The following NCAPG2 variants were observed in gnomAD, a reference collection of about 807,000 sequenced individuals.
NCAPG2 encodes the protein non-SMC condensin II complex subunit G2.
A neutral mutation model predicts 141.1 loss-of-function variants in NCAPG2; 53 were observed. The observed-to-expected ratio is 0.38, with a 90% CI of 0.30 to 0.47. The LOEUF is 0.47. NCAPG2 is among the 20% of genes least tolerant of loss of function. The pLI, the probability that NCAPG2 is intolerant of heterozygous loss-of-function variation, is 0.99. For missense variants in NCAPG2, 1,087 were observed against 1,389.0 expected, an observed-to-expected ratio of 0.78 and a Z score of 3.46; for synonymous variants, 499 against 490.7, an observed-to-expected ratio of 1.02 and a Z score of -0.22.
chr7:158,668,212 C>CG lies in NCAPG2; in HGVS notation c.1479+3301_1479+3302insC, dbSNP rs1563542484. 1.4e-5 allele frequency: 6 copies of CG among 416,052 alleles called. 1 individual carries two copies. Among genetic ancestry groups the CG allele is most frequent in the African/African-American group, 2.1e-5 (1 of 47,052 alleles). 25.8% of individuals were successfully genotyped at this position (416,052 alleles called of 1,614,324 possible). A position where few individuals can be genotyped will look rare whatever the true frequency, so the allele number is the denominator to read the frequency against. On this transcript the variant is annotated intron_variant, in intron 13 of 27. Coordinates refer to ENST00000356309, the MANE Select transcript of NCAPG2 (RefSeq NM_017760.7). The stretch of plus-strand genomic sequence containing the variant: ...CTTACCGACCCTGGGTCCCTCCGCC[C>CG]CCCCTTACCCACTACTGGGTCCCTC...
At chr7:158,666,869 G>T (rs1376996936) in intron 13 of NCAPG2, among the ~76,000 whole-genome samples, 1 of 152,152 alleles carries the variant, frequency 6.6e-6, no homozygotes, top group Non-Finnish European at 1.5e-5. Flanking sequence ...TACCACAGCT[G>T]ACAAAGGAAA....
intron 2 of NCAPG2, among the ~76,000 whole-genome samples, chr7:158,694,458 G>A (rs1835320042): frequency 6.6e-6 from 1 of 152,160 alleles, no homozygotes; most frequent in South Asian, 2.1e-4. Context: ...CACAGAGGCA[G>A]GTTCCCAGAA....
chr7:158,660,429 T>TTA (rs869116610), intron 16 of NCAPG2, among the ~76,000 whole-genome samples: 1 of 91,362 alleles, frequency 1.1e-5, no homozygotes, highest in African/African-American at 4.3e-5. Flanking sequence ...TTTTTTTTTT[T>TTA]AAAAGAGGCA....
chr7:158,655,245 C>G lies in NCAPG2; in HGVS notation c.2519G>C (p.Gly840Ala). 6.2e-7 allele frequency: 1 copy of G among 1,613,842 alleles called. No individual in the cohort carries two copies. Among genetic ancestry groups the G allele is most frequent in the Non-Finnish European group, 8.5e-7 (1 of 1,179,944 alleles). Residue 840 changes from glycine (G) to alanine (A), a missense_variant, in exon 21 of 28, where the codon GGA becomes GCA. Gly to Ala is a moderately conservative substitution (Grantham distance 60). Coordinates refer to ENST00000356309, the MANE Select transcript of NCAPG2 (RefSeq NM_017760.7). ...IHLQHKFCSE[G>A]KVYLSMLEDT... ...TTCCAACATGGACAAATACACCTTTCCTTCTGAGCAGAACTGTCCAAAAAC... is the reference window on the plus strand; with the variant it reads ...TTCCAACATGGACAAATACACCTTTGCTTCTGAGCAGAACTGTCCAAAAAC...
chr7:158,652,858 T>C (rs1831587357), intron 22 of NCAPG2, among the ~76,000 whole-genome samples: 1 of 152,190 alleles, frequency 6.6e-6, no homozygotes. Flanking sequence ...AGAACAGATA[T>C]ACCTATACAA....
chr7:158,675,621 G>C lies in NCAPG2; in HGVS notation c.1182C>G (p.Ser394=). The C allele has an allele frequency of 6.2e-7, 1 of 1,613,270 alleles. No individual in the cohort carries two copies. The change falls in exon 12 of 28, where the codon TCC becomes TCG. Residue 394 remains serine, a synonymous_variant. Coordinates refer to ENST00000356309, the MANE Select transcript of NCAPG2 (RefSeq NM_017760.7). Reference sequence around the variant, plus strand: ...TTTTACAAACACCAAGGATCCCTGTGGAACGGACCATCGGGTAAGGATCTT... The same window carrying C: ...TTTTACAAACACCAAGGATCCCTGTCGAACGGACCATCGGGTAAGGATCTT... ...LLEDPYPMVR[S]TGILGVCKIT... is the part of the protein sequence containing the mutation.
At chr7:158,666,138 G>A (rs1832915205) in intron 13 of NCAPG2, among the ~76,000 whole-genome samples, 4 of 152,204 alleles carry the variant, frequency 2.6e-5, no homozygotes, top group South Asian at 2.1e-4. Flanking sequence ...AGGGACTGGA[G>A]ATTTCTTACC....
At chr7:158,655,551 G>T in intron 19 of NCAPG2, 96 bp from the exon 20 acceptor site, 1 of 1,023,322 alleles carries the variant, frequency 9.8e-7, no homozygotes, top group South Asian at 1.4e-5. Flanking sequence ...ATCCTCAGGC[G>T]AGCTGAAAAG....
intron 13 of NCAPG2, among the ~76,000 whole-genome samples, chr7:158,667,934 C>T (rs1458801494): frequency 3.2e-4 from 1 of 3,132 alleles, no homozygotes; most frequent in Non-Finnish European, 5.6e-4. Context: ...CCCTCCTTAC[C>T]TACCCTCTGG....
At chr7:158,637,007 G>A (rs1377827824) in intron 27 of NCAPG2, among the ~76,000 whole-genome samples, 1 of 151,102 alleles carries the variant, frequency 6.6e-6, no homozygotes, top group African/African-American at 2.5e-5. Flanking sequence ...GAATGCAGTG[G>A]TGTGATCTTG....
intron 27 of NCAPG2, among the ~76,000 whole-genome samples, chr7:158,643,409 G>T (rs142569654): frequency 6.6e-6 from 1 of 151,390 alleles, no homozygotes; most frequent in African/African-American, 2.4e-5. Flanking sequence ...TAGAGATGGG[G>T]TTTTACCATG....
chr7:158,646,757 G>A (rs1314634702), intron 24 of NCAPG2, among the ~76,000 whole-genome samples, 194 bp from the exon 25 acceptor site: 1 of 152,186 alleles, frequency 6.6e-6, no homozygotes, highest in Admixed American at 6.5e-5. Context: ...GTTGGGCGTG[G>A]TGGTTCACAC....
At chr7:158,636,944 T>C (rs1830241608) in intron 27 of NCAPG2, among the ~76,000 whole-genome samples, 1 of 151,652 alleles carries the variant, frequency 6.6e-6, no homozygotes, top group African/African-American at 2.4e-5. Context: ...GGGTTTCCTC[T>C]TCTTCTTCTT....
At chr7:158,683,937 AG>A (rs1563565520) in intron 8 of NCAPG2, among the ~76,000 whole-genome samples, 1 of 152,190 alleles carries the variant, frequency 6.6e-6, no homozygotes, top group Non-Finnish European at 1.5e-5. Flanking sequence ...AACTGGGAAA[AG>A]GCCTAGCCTC....
chr7:158,667,321 GTCCCTCCGCTACTGT>G lies in NCAPG2; in HGVS notation c.1480-2586_1480-2572del. ...CTCCTCCACCCTTAGCCGCTACTGT[GTCCCTCCGCTACTGT>G]GTCCCTCCGCTCCTTAGCCACTACC... On this transcript the variant is annotated intron_variant, in intron 13 of 27. Transcript: ENST00000356309. 8 of 86,598 alleles carry G rather than the reference GTCCCTCCGCTACTGT, an allele frequency of 9.2e-5. 1 individual carries two copies. The highest frequency in any genetic ancestry group is 1.1e-4 in the Non-Finnish European group (8 of 72,682). 5.4% of individuals were successfully genotyped at this position (86,598 alleles called of 1,614,324 possible).
intron 13 of NCAPG2, chr7:158,668,415 T>C (rs1429897114): frequency 1.0e-6 from 1 of 982,848 alleles, no homozygotes; most frequent in African/African-American, 1.8e-5. Context: ...TTTTCTGTTT[T>C]GTTTTACTGA....
At chr7:158,672,320 ATATATATATTTTTTTTTTTTTTTT>A (rs1833776789) in intron 12 of NCAPG2, among the ~76,000 whole-genome samples, 3 of 35,626 alleles carry the variant, frequency 8.4e-5, no homozygotes, top group Middle Eastern at 0.019. Context: ...ATATATATAT[ATATATATATTTTTTTTTTTTTTTT>A]TTTTTTTTTT....
chr7:158,652,943 A>G (rs1285655275), intron 22 of NCAPG2, among the ~76,000 whole-genome samples: 1 of 152,256 alleles, frequency 6.6e-6, no homozygotes, highest in African/African-American at 2.4e-5. Context: ...TTTAAATAAT[A>G]AAAGTAGATT....
chr7:158,652,450 A>C lies in NCAPG2; in HGVS notation c.2777T>G (p.Leu926Arg). Residue 926 changes from leucine (L) to arginine (R), a missense_variant, in exon 23 of 28, where the codon CTT (leucine) becomes CGT (arginine). Transcript: ENST00000356309. ...TCCAGTTATCTCTTTCAGAATGTCA[A>C]GAAGTAATGAAACATAAAAAAATCC... Reference protein sequence around the residue: ...VKGFFYVSLLLDILKEITGSS... With the variant: ...VKGFFYVSLLRDILKEITGSS... The C allele has an allele frequency of 1.2e-6, 2 of 1,606,934 alleles. No homozygotes were observed. Among genetic ancestry groups the C allele is most frequent in the Non-Finnish European group, 8.5e-7 (1 of 1,177,894 alleles).
Sources: gnomAD v4.1 joint callset for allele counts (sites outside exome capture counted in the v4.1 genomes callset) on GRCh38, gnomAD v4.1.1 for gene constraint, MANE v1.5 for transcripts, NCBI Gene and HGNC (gene_info 2026-07-23, HGNC 2026-07-21) for gene names.